The following MRTFB variants were observed in gnomAD, a reference collection of about 807,000 sequenced individuals.
MRTFB encodes the protein myocardin-related transcription factor B.
MRTFB carries 29 observed loss-of-function variants against 104.2 expected under a neutral mutation model. That is an observed-to-expected ratio of 0.28 (90% CI 0.21 to 0.38). The LOEUF (loss-of-function observed/expected upper bound fraction) is 0.38, where lower values mean the gene tolerates loss of function less well. Among genes scored for constraint, MRTFB ranks in the 10% least tolerant of loss-of-function variants. MRTFB has a pLI of 1.00. For missense variants in MRTFB, 1,270 were observed against 1,341.6 expected (o/e 0.95, Z 0.83); for synonymous variants, 535 against 519.5 (o/e 1.03, Z -0.41).
chr16:14,139,757 A>T (rs1470552445), intron 2 of MRTFB, among the ~76,000 whole-genome samples: 1 of 152,346 alleles, frequency 6.6e-6, no homozygotes, highest in Middle Eastern at 3.4e-3. Context: ...AGGTGAAAGG[A>T]TGAACACACT....
chr16:14,078,659 G>C (rs1406725139), intron 1 of MRTFB, among the ~76,000 whole-genome samples: 1 of 151,354 alleles, frequency 6.6e-6, no homozygotes, highest in Non-Finnish European at 1.5e-5. Flanking sequence ...CAAACTTCAG[G>C]GCTCAAGCGA....
chr16:14,266,289 T>C lies in MRTFB; in HGVS notation c.*4845T>C, dbSNP rs1381777941. ...GTTTAAGAGTAACATTCAGTAGTAATACAAAGTTTTTTTTCTATGTAGAAA... is the reference window on the plus strand; with the variant it reads ...GTTTAAGAGTAACATTCAGTAGTAACACAAAGTTTTTTTTCTATGTAGAAA... On this transcript the variant is annotated 3_prime_UTR_variant, in exon 17 of 17. Transcript: ENST00000571589. 2 of 152,228 alleles carry C rather than the reference T, an allele frequency of 1.3e-5. No homozygotes were observed. Among genetic ancestry groups the C allele is most frequent in the East Asian group, 3.8e-4 (2 of 5,202 alleles). The allele number at this position is 152,228 out of a possible 1,614,324, so 9.4% of individuals were successfully genotyped here. A position where few individuals can be genotyped will look rare whatever the true frequency, so the allele number is the denominator to read the frequency against.
At chr16:14,075,264 A>G (rs2033966281) in intron 1 of MRTFB, among the ~76,000 whole-genome samples, 1 of 152,216 alleles carries the variant, frequency 6.6e-6, no homozygotes. Context: ...AGCAAACTCA[A>G]TCACGTGAAG....
intron 2 of MRTFB, among the ~76,000 whole-genome samples, chr16:14,139,719 A>C (rs1365806492): frequency 6.6e-6 from 1 of 152,230 alleles, no homozygotes; most frequent in African/African-American, 2.4e-5. Context: ...ATAGTCAAAA[A>C]CTGGAAACAA....
At chr16:14,089,043 T>G (rs769222586) in intron 2 of MRTFB, among the ~76,000 whole-genome samples, 5 of 152,204 alleles carry the variant, frequency 3.3e-5, no homozygotes, top group Non-Finnish European at 7.3e-5. Context: ...TTGAACAGAT[T>G]GTGTGTTTTT....
At chr16:14,048,534 G>T in the MRTFB span, among the ~76,000 whole-genome samples, 16,681 of 152,066 alleles carry the variant, frequency 0.11, 1,089 homozygotes, top group East Asian at 0.32. Context: ...GGGCAGTGAG[G>T]CAAATCCAGA....
intron 2 of MRTFB, among the ~76,000 whole-genome samples, chr16:14,105,769 T>C (rs948130538): frequency 3.9e-5 from 6 of 152,112 alleles, no homozygotes; most frequent in South Asian, 2.1e-4. Context: ...CTAGTACTTA[T>C]GAAAAAATAA....
intron 3 of MRTFB, among the ~76,000 whole-genome samples, chr16:14,196,243 G>A (rs567635280): frequency 6.6e-6 from 1 of 152,348 alleles, no homozygotes; most frequent in South Asian, 2.1e-4. Flanking sequence ...AATTTCCAAA[G>A]CTGAGTGTTG....
At chr16:14,072,681 A>G (rs2033785562) in intron 1 of MRTFB, among the ~76,000 whole-genome samples, 1 of 152,170 alleles carries the variant, frequency 6.6e-6, no homozygotes, top group Admixed American at 6.5e-5. Flanking sequence ...TGAGGCCGCT[A>G]CTTCAGGGAA....
Position 14,217,119 on chromosome 16 carries a change from C to T in MRTFB, c.353-7C>T. On this transcript the variant is annotated splice_polypyrimidine_tract_variant and splice_region_variant and intron_variant, in intron 6 of 16. Coordinates refer to ENST00000571589, the MANE Select transcript of MRTFB (RefSeq NM_001308142.2). ...AGTAATGGTTAAAACTGTGTTTCCTCTTTTAGAAACATTTGCAGAGCCATC... is the reference window on the plus strand; with the variant it reads ...AGTAATGGTTAAAACTGTGTTTCCTTTTTTAGAAACATTTGCAGAGCCATC... 6.2e-7 allele frequency: 1 copy of T among 1,601,096 alleles called. No individual in the cohort carries two copies. The highest frequency in any genetic ancestry group is 8.5e-7 in the Non-Finnish European group (1 of 1,175,308).
chr16:14,220,555 A>G (rs2041647374), intron 8 of MRTFB, among the ~76,000 whole-genome samples: 1 of 152,268 alleles, frequency 6.6e-6, no homozygotes, highest in South Asian at 2.1e-4. Context: ...ACGCTTTAAC[A>G]AGAGGCATTC....
chr16:14,200,676 C>T (rs776199298), intron 3 of MRTFB: 75 of 1,550,718 alleles, frequency 4.8e-5, no homozygotes, highest in Non-Finnish European at 6.2e-5. Context: ...GTGTTTGAAT[C>T]TAGAAAGGAG....
At chr16:14,163,822 A>G (rs1317455440) in intron 3 of MRTFB, among the ~76,000 whole-genome samples, 1 of 147,022 alleles carries the variant, frequency 6.8e-6, no homozygotes, top group Non-Finnish European at 1.5e-5. Flanking sequence ...AACAAGAGCG[A>G]AACTCTGTCT....
In MRTFB at chr16:14,257,618, G is replaced by A. The variant is rs1184882074; in HGVS notation, c.2704-483G>A. On this transcript the variant is annotated intron_variant, in intron 15 of 16. Coordinates refer to ENST00000571589, the MANE Select transcript of MRTFB (RefSeq NM_001308142.2). ...GAGGGGATGAGGAAACTTTAAGGGC[G>A]ATGGATATGTTCATTATCTTGATTT... 3.3e-5 allele frequency among the ~76,000 whole-genome samples: 5 copies of A among 151,910 alleles called. No individual in the cohort carries two copies. In the South Asian group the frequency reaches 6.3e-4, roughly 19 times the overall value.
At chr16:14,150,478 T>C (rs1433565691) in intron 3 of MRTFB, among the ~76,000 whole-genome samples, 1 of 152,164 alleles carries the variant, frequency 6.6e-6, no homozygotes, top group Non-Finnish European at 1.5e-5. Context: ...GATTAACACA[T>C]ATCATATATG....
intron 3 of MRTFB, among the ~76,000 whole-genome samples, chr16:14,155,563 A>AG (rs2038796389): frequency 6.6e-6 from 1 of 152,178 alleles, no homozygotes. Context: ...TCTTCAGTTA[A>AG]AGAAAGTTGG....
intron 10 of MRTFB, among the ~76,000 whole-genome samples, chr16:14,244,404 A>G (rs1597362825): frequency 6.6e-6 from 1 of 152,326 alleles, no homozygotes; most frequent in East Asian, 1.9e-4. Flanking sequence ...TGTCTTATCT[A>G]GGAATGGAAT....
the MRTFB span, among the ~76,000 whole-genome samples, chr16:14,065,402 C>T: frequency 6.6e-6 from 1 of 152,290 alleles, no homozygotes; most frequent in South Asian, 2.1e-4. Flanking sequence ...TATTATCTTA[C>T]AAACAGGGAT....
At chr16:14,209,895 G>A (rs1002632301) in intron 3 of MRTFB, among the ~76,000 whole-genome samples, 7 of 152,062 alleles carry the variant, frequency 4.6e-5, no homozygotes, top group Non-Finnish European at 7.4e-5. Context: ...AGAATTTCAC[G>A]TCTCTTATTT....
Sources: gnomAD v4.1 joint callset for allele counts (sites outside exome capture counted in the v4.1 genomes callset) on GRCh38, gnomAD v4.1.1 for gene constraint, MANE v1.5 for transcripts, NCBI Gene and HGNC (gene_info 2026-07-23, HGNC 2026-07-21) for gene names.